OPRD1: variants seen among roughly 807,000 people sequenced by gnomAD.
OPRD1 encodes delta-type opioid receptor.
In OPRD1, 19 loss-of-function variants were observed where a neutral mutation model predicts 17.5. That is an observed-to-expected ratio of 1.09 (90% CI 0.76 to 1.60). The LOEUF is 1.60. Among genes scored for constraint, OPRD1 ranks in the 40% most tolerant of loss-of-function variants. The pLI, the probability that OPRD1 is intolerant of heterozygous loss-of-function variation, is 0.00. For missense variants in OPRD1, 483 were observed against 547.2 expected, an observed-to-expected ratio of 0.88 and a Z score of 1.17; for synonymous variants, 256 against 240.9, an observed-to-expected ratio of 1.06 and a Z score of -0.58.
At chr1:28,814,343 G>C (rs1032232467) in intron 1 of OPRD1, among the ~76,000 whole-genome samples, 1 of 152,232 alleles carries the variant, frequency 6.6e-6, no homozygotes, top group Non-Finnish European at 1.5e-5. Context: ...GTGTCAGTGA[G>C]AGAGCACATA....
intron 1 of OPRD1, among the ~76,000 whole-genome samples, chr1:28,817,791 G>C (rs954664173): frequency 2.0e-5 from 3 of 149,808 alleles, no homozygotes; most frequent in Non-Finnish European, 4.5e-5. Flanking sequence ...TGCAACCTCT[G>C]CCTCCCTGGT....
At chr1:28,835,005 T>C (rs1266925451) in intron 1 of OPRD1, among the ~76,000 whole-genome samples, 1 of 152,150 alleles carries the variant, frequency 6.6e-6, no homozygotes, top group Non-Finnish European at 1.5e-5. Context: ...CCTGTTCTGC[T>C]CTCCCCACCA....
At chr1:28,851,137 GA>G (rs1313555397) in intron 1 of OPRD1, among the ~76,000 whole-genome samples, 1 of 152,142 alleles carries the variant, frequency 6.6e-6, no homozygotes, top group Non-Finnish European at 1.5e-5. Flanking sequence ...AGAGCCACTT[GA>G]AAGCACACCG....
intron 2 of OPRD1, among the ~76,000 whole-genome samples, chr1:28,861,913 CTTT>C (rs34765043): frequency 5.7e-5 from 3 of 52,946 alleles, no homozygotes; most frequent in Non-Finnish European, 9.6e-5. Flanking sequence ...CTTTTCTTTT[CTTT>C]TTTTTTTTTT....
chr1:28,834,070 CCTGA>C (rs2088829620), intron 1 of OPRD1, among the ~76,000 whole-genome samples: 2 of 152,094 alleles, frequency 1.3e-5, no homozygotes, highest in Non-Finnish European at 2.9e-5. Flanking sequence ...CTCCACCATG[CCTGA>C]CTAATTTTTG....
intron 2 of OPRD1, 148 bp from the exon 3 acceptor site, chr1:28,862,594 C>A: frequency 1.4e-6 from 1 of 706,144 alleles, no homozygotes; most frequent in Non-Finnish European, 2.3e-6. Context: ...CCGAGGAGGA[C>A]ACTCCAGACA....
intron 1 of OPRD1, among the ~76,000 whole-genome samples, chr1:28,849,358 TCTGAAGGCCTGAA>T (rs1190245376): frequency 6.6e-6 from 1 of 152,152 alleles, no homozygotes; most frequent in East Asian, 1.9e-4. Context: ...GAGATTATTT[TCTGAAGGCCTGAA>T]GGCCAGAGAA....
intron 1 of OPRD1, among the ~76,000 whole-genome samples, chr1:28,843,034 A>C (rs918827093): frequency 1.3e-5 from 2 of 152,124 alleles, no homozygotes; most frequent in African/African-American, 4.8e-5. Flanking sequence ...GCAATTTTCA[A>C]CTACACACTG....
At chr1:28,853,255 G>A (rs1373951439) in intron 1 of OPRD1, among the ~76,000 whole-genome samples, 1 of 152,246 alleles carries the variant, frequency 6.6e-6, no homozygotes, top group East Asian at 1.9e-4. Context: ...TCAGCTTCAG[G>A]TGGAAGTGAT....
chr1:28,858,980 A>G lies in OPRD1; in HGVS notation c.254A>G (p.Asn85Ser). The G allele has an allele frequency of 1.2e-6, 2 of 1,612,442 alleles. No individual in the cohort carries two copies. Among genetic ancestry groups the G allele is most frequent in the African/African-American group, 1.3e-5 (1 of 75,064 alleles). The change falls in exon 2 of 3, where the codon AAC (asparagine) becomes AGC (serine). Residue 85 changes from asparagine (N) to serine (S), a missense_variant. By Grantham distance (46) the Asn-to-Ser change is conservative. Transcript: ENST00000234961. Reference sequence around the variant, plus strand: ...TACACTAAGATGAAGACGGCCACCAACATCTACATCTTCAACCTGGCCTTA... The same window carrying G: ...TACACTAAGATGAAGACGGCCACCAGCATCTACATCTTCAACCTGGCCTTA... ...VRYTKMKTAT[N>S]IYIFNLALAD...
chr1:28,814,773 CAAGCA>C (rs1397338566), intron 1 of OPRD1, among the ~76,000 whole-genome samples: 1 of 152,200 alleles, frequency 6.6e-6, no homozygotes, highest in Non-Finnish European at 1.5e-5. Context: ...CAAGTGTACG[CAAGCA>C]GCTTAGTGGG....
chr1:28,836,605 G>A (rs1376418460), intron 1 of OPRD1, among the ~76,000 whole-genome samples: 1 of 152,172 alleles, frequency 6.6e-6, no homozygotes. Context: ...AAGGCTCCGT[G>A]GAAGAACGCC....
intron 1 of OPRD1, among the ~76,000 whole-genome samples, chr1:28,829,174 T>C (rs1474336770): frequency 6.6e-6 from 1 of 152,144 alleles, no homozygotes; most frequent in East Asian, 1.9e-4. Flanking sequence ...TAAAGCCCCA[T>C]GGACCAGCCT....
intron 1 of OPRD1, among the ~76,000 whole-genome samples, chr1:28,858,007 G>A (rs1369837770): frequency 6.6e-6 from 1 of 152,000 alleles, no homozygotes; most frequent in Admixed American, 6.6e-5. Context: ...TGGTTGGTCA[G>A]GATGGTCTCA....
intron 1 of OPRD1, among the ~76,000 whole-genome samples, chr1:28,840,816 G>A (rs1188288867): frequency 6.6e-6 from 1 of 152,036 alleles, no homozygotes; most frequent in Non-Finnish European, 1.5e-5. Context: ...CAGCTACTCG[G>A]GAGGCTGAGG....
rs1349679315 is a variant in OPRD1, at chr1:28,866,095, G to A, written c.*2812G>A. On this transcript the variant is annotated 3_prime_UTR_variant, in exon 3 of 3. Coordinates refer to ENST00000234961, the MANE Select transcript of OPRD1 (RefSeq NM_000911.4). ...TTGAAATCTACTTCATGCCAAGCAT[G>A]CACTCTGGGCATCAGGACTCGGAAT... 1.3e-5 allele frequency: 2 copies of A among 152,244 alleles called. No individual in the cohort carries two copies. The highest frequency in any genetic ancestry group is 4.8e-5 in the African/African-American group (2 of 41,456). The allele number at this position is 152,244 out of a possible 1,614,324, so 9.4% of individuals were successfully genotyped here.
intron 1 of OPRD1, 122 bp downstream of exon 1, chr1:28,812,732 C>T (rs2088643126): frequency 1.1e-6 from 1 of 887,130 alleles, no homozygotes; most frequent in Admixed American, 4.0e-5. Context: ...TGCAGGGGCA[C>T]CTGGGGCCCA....
chr1:28,815,595 T>C (rs551460450), intron 1 of OPRD1, among the ~76,000 whole-genome samples: 9 of 152,186 alleles, frequency 5.9e-5, no homozygotes, highest in African/African-American at 2.2e-4. Context: ...GGGTCTTGGC[T>C]TCTGCTGGAA....
chr1:28,846,364 G>C (rs1160055787), intron 1 of OPRD1, among the ~76,000 whole-genome samples: 1 of 152,140 alleles, frequency 6.6e-6, no homozygotes, highest in Admixed American at 6.6e-5. Flanking sequence ...ACCACGGTCA[G>C]GTTCTGGTGA....
Sources: allele counts gnomAD v4.1 joint callset (sites outside exome capture counted in the v4.1 genomes callset), GRCh38; gene constraint gnomAD v4.1.1; transcripts MANE v1.5; gene names NCBI Gene and HGNC (gene_info 2026-07-23, HGNC 2026-07-21).